ZDHHC6: variants seen among roughly 807,000 people sequenced by gnomAD.
ZDHHC6 encodes palmitoyltransferase ZDHHC6.
ZDHHC6 carries 32 observed loss-of-function variants against 57.8 expected under a neutral mutation model. That is an observed-to-expected ratio of 0.55 (90% CI 0.42 to 0.74). The LOEUF (loss-of-function observed/expected upper bound fraction) is 0.74. Ranked by LOEUF, ZDHHC6 falls within the 30% of genes least tolerant of loss-of-function variation. The probability of loss-of-function intolerance (pLI) is 0.00; values close to 1 mark genes in which losing one functional copy is unlikely to be tolerated. For missense variants in ZDHHC6, 433 were observed against 500.7 expected, an observed-to-expected ratio of 0.86 and a Z score of 1.29; for synonymous variants, 128 against 158.0, an observed-to-expected ratio of 0.81 and a Z score of 1.42.
At chr10:112,447,537 C>G, upstream of ZDHHC6, 1 of 1,541,168 alleles carries the variant, frequency 6.5e-7, no homozygotes, top group African/African-American at 1.4e-5. Flanking sequence ...GGAACGCCGC[C>G]CGAGTAAGTG....
At chr10:112,426,248 C>G (rs771788750), downstream of ZDHHC6, 1 of 1,611,368 alleles carries the variant, frequency 6.2e-7, no homozygotes, top group Non-Finnish European at 8.5e-7. Context: ...CTTTTATTTC[C>G]TTTCCATAGT....
chr10:112,426,855 A>G (rs1253303801), downstream of ZDHHC6: 1 of 1,611,760 alleles, frequency 6.2e-7, no homozygotes. Flanking sequence ...AAAACTTTTG[A>G]ACAGGTGTGT....
downstream of ZDHHC6, chr10:112,426,683 T>G: frequency 1.0e-6 from 1 of 998,210 alleles, no homozygotes; most frequent in Non-Finnish European, 1.6e-6. Context: ...TTTATATTCC[T>G]GCTTTCATAC....
chr10:112,441,449 G>T (rs1419462708), intron 4 of ZDHHC6, among the ~76,000 whole-genome samples: 1 of 152,150 alleles, frequency 6.6e-6, no homozygotes, highest in East Asian at 1.9e-4. Flanking sequence ...GGCCAAATAT[G>T]GCCACAGATG....
downstream of ZDHHC6, among the ~76,000 whole-genome samples, chr10:112,429,943 G>C (rs1181795274): frequency 7.3e-6 from 1 of 137,200 alleles, no homozygotes; most frequent in Non-Finnish European, 1.6e-5. Context: ...AGTGCCAGGA[G>C]CAGGAAGAGG....
chr10:112,443,908 C>A (rs1300760754), intron 2 of ZDHHC6, among the ~76,000 whole-genome samples: 1 of 152,138 alleles, frequency 6.6e-6, no homozygotes, highest in East Asian at 1.9e-4. Flanking sequence ...AAAAAGGTAG[C>A]TGACAACTTA....
At chr10:112,439,432 A>G (rs1184910414) in intron 5 of ZDHHC6, among the ~76,000 whole-genome samples, 2 of 151,754 alleles carry the variant, frequency 1.3e-5, no homozygotes, top group Non-Finnish European at 2.9e-5. Flanking sequence ...GGAGTTCAAG[A>G]CCAGCCTGGC....
downstream of ZDHHC6, chr10:112,426,775 T>A (rs1327362390): frequency 1.9e-6 from 3 of 1,612,858 alleles, no homozygotes; most frequent in Admixed American, 3.3e-5. Flanking sequence ...TAAGTGATGT[T>A]TTGTATTCTT....
chr10:112,440,775 C>T (rs1236519273), intron 4 of ZDHHC6, 80 bp from the exon 5 acceptor site: 1 of 1,395,460 alleles, frequency 7.2e-7, no homozygotes. Flanking sequence ...CGTAAAACAA[C>T]TTGATCAAAG....
Sources: gnomAD v4.1 joint callset for allele counts (sites outside exome capture counted in the v4.1 genomes callset) on GRCh38, gnomAD v4.1.1 for gene constraint, MANE v1.5 for transcripts, NCBI Gene and HGNC (gene_info 2026-07-23, HGNC 2026-07-21) for gene names.